LHFPL7: variants seen among roughly 807,000 people sequenced by gnomAD.
LHFPL7 encodes LHFPL tetraspan subfamily member 7.
At chr22:24,940,667 T>TTCCTTCCTTCCTTCCTTCCTTCCC in the LHFPL7 span, among the ~76,000 whole-genome samples, 3 of 120,664 alleles carry the variant, frequency 2.5e-5, no homozygotes, top group African/African-American at 7.1e-5. Context: ...CCTTCCTTCC[T>TTCCTTCCTTCCTTCCTTCCTTCCC]TCCTTCCCTC....
chr22:24,942,892 A>AGTGTGTGTGTGTGTGTGTGT, the LHFPL7 span, among the ~76,000 whole-genome samples: 1 of 128,052 alleles, frequency 7.8e-6, no homozygotes, highest in Admixed American at 8.0e-5. Context: ...AAGGGGATAA[A>AGTGTGTGTGTGTGTGTGTGT]GTGTGTGTGT....
At chr22:24,940,094 A>AT in the LHFPL7 span, among the ~76,000 whole-genome samples, 1 of 149,388 alleles carries the variant, frequency 6.7e-6, no homozygotes, top group African/African-American at 2.5e-5. Context: ...CGCCCGGCTA[A>AT]TTTTTTGTAT....
chr22:24,940,465 G>A, the LHFPL7 span, among the ~76,000 whole-genome samples: 1 of 150,896 alleles, frequency 6.6e-6, no homozygotes, highest in Admixed American at 6.6e-5. Flanking sequence ...GCGTGGGAGC[G>A]GGCGCCTGTA....
At chr22:24,941,755 C>G in the LHFPL7 span, among the ~76,000 whole-genome samples, 20 of 151,814 alleles carry the variant, frequency 1.3e-4, no homozygotes, top group South Asian at 4.2e-3. Flanking sequence ...ACGTAACCTC[C>G]GACTCCCTGG....
At chr22:24,938,035 A>G in the LHFPL7 span, 1 of 1,446,342 alleles carries the variant, frequency 6.9e-7, no homozygotes, top group Non-Finnish European at 9.3e-7. Context: ...TTTATCTCTG[A>G]GGTCTGACCC....
the LHFPL7 span, among the ~76,000 whole-genome samples, chr22:24,942,215 C>T: frequency 6.6e-6 from 1 of 152,044 alleles, no homozygotes; most frequent in Admixed American, 6.5e-5. Flanking sequence ...AGGATGGTCT[C>T]GATCTCCTGA....
the LHFPL7 span, among the ~76,000 whole-genome samples, chr22:24,936,090 T>C: frequency 9.2e-3 from 1,401 of 152,278 alleles, 22 homozygotes; most frequent in African/African-American, 0.032. Context: ...TATTGGCTCA[T>C]GTCTCCTTTT....
the LHFPL7 span, chr22:24,935,483 A>G: frequency 1.2e-6 from 2 of 1,613,504 alleles, no homozygotes; most frequent in Non-Finnish European, 1.7e-6. Context: ...TGTAACCCCA[A>G]CCCAGCCGGC....
At chr22:24,940,588 T>C in the LHFPL7 span, among the ~76,000 whole-genome samples, 1 of 142,842 alleles carries the variant, frequency 7.0e-6, no homozygotes, top group Admixed American at 7.1e-5. Context: ...AGAGCGAGAC[T>C]CCGTCTCAAA....
chr22:24,936,918 C>T, the LHFPL7 span, among the ~76,000 whole-genome samples: 1 of 152,110 alleles, frequency 6.6e-6, no homozygotes, highest in Non-Finnish European at 1.5e-5. Flanking sequence ...CCCCGCCCCC[C>T]CCGCCGCCCA....
chr22:24,938,404 A>G, the LHFPL7 span: 1 of 1,563,014 alleles, frequency 6.4e-7, no homozygotes, highest in South Asian at 1.2e-5. Flanking sequence ...TGGCTGGGAC[A>G]GGGGCAGGTG....
chr22:24,945,763 G>A, the LHFPL7 span, among the ~76,000 whole-genome samples: 2 of 152,106 alleles, frequency 1.3e-5, no homozygotes, highest in African/African-American at 4.8e-5. Flanking sequence ...CCTGGGGGGT[G>A]CAGGCCATGT....
At chr22:24,943,623 A>C in the LHFPL7 span, among the ~76,000 whole-genome samples, 2 of 152,220 alleles carry the variant, frequency 1.3e-5, no homozygotes, top group African/African-American at 4.8e-5. Context: ...ACTGAGGCTC[A>C]GGAAGCAAGC....
chr22:24,935,734 A>C, the LHFPL7 span: 1 of 1,188,468 alleles, frequency 8.4e-7, no homozygotes, highest in Non-Finnish European at 1.2e-6. Context: ...TTATTGGCTC[A>C]TCTCTCCTTT....
chr22:24,938,227 G>A, the LHFPL7 span: 6 of 1,614,120 alleles, frequency 3.7e-6, no homozygotes, highest in East Asian at 2.2e-5. Flanking sequence ...GCCCAAGACA[G>A]GAGGAAAATT....
At chr22:24,940,901 C>A in the LHFPL7 span, among the ~76,000 whole-genome samples, 1 of 151,936 alleles carries the variant, frequency 6.6e-6, no homozygotes, top group Non-Finnish European at 1.5e-5. Flanking sequence ...GCTGGGACTA[C>A]TGGGGCAGCT....
the LHFPL7 span, among the ~76,000 whole-genome samples, chr22:24,940,345 G>A: frequency 2.0e-5 from 3 of 149,624 alleles, no homozygotes; most frequent in Non-Finnish European, 4.5e-5. Context: ...TGTAATCCCA[G>A]CACTTTGGGA....
At chr22:24,945,044 G>A in the LHFPL7 span, among the ~76,000 whole-genome samples, 2 of 152,016 alleles carry the variant, frequency 1.3e-5, no homozygotes, top group African/African-American at 2.4e-5. Flanking sequence ...TCTTGACCTT[G>A]TGATCTGCCC....
At chr22:24,941,171 C>CTT in the LHFPL7 span, among the ~76,000 whole-genome samples, 1 of 142,964 alleles carries the variant, frequency 7.0e-6, no homozygotes, top group Non-Finnish European at 1.5e-5. Context: ...ATGGTATTAT[C>CTT]TTTTTTTTTT....
Sources: gnomAD v4.1 joint callset for allele counts (sites outside exome capture counted in the v4.1 genomes callset) on GRCh38, gnomAD v4.1.1 for gene constraint, MANE v1.5 for transcripts, NCBI Gene and HGNC (gene_info 2026-07-23, HGNC 2026-07-21) for gene names.